TTC23L: variants seen among roughly 807,000 people sequenced by gnomAD.
TTC23L encodes tetratricopeptide repeat domain 23 like, also known as tetratricopeptide repeat protein 23-like.
Under a neutral mutation model 48.1 loss-of-function variants are expected in TTC23L, and 42 were observed. The ratio of observed to expected loss-of-function variants is 0.87; its 90% CI spans 0.68 to 1.13. The LOEUF (loss-of-function observed/expected upper bound fraction) is 1.13, where lower values mean the gene tolerates loss of function less well. Ranked by LOEUF, TTC23L falls within the 50% of genes most tolerant of loss-of-function variation. The pLI is 0.00. For synonymous variants in TTC23L, 159 were observed against 157.2 expected, an observed-to-expected ratio of 1.01 and a Z score of -0.09; for missense variants, 391 against 421.0, an observed-to-expected ratio of 0.93 and a Z score of 0.62.
At chr5:34,913,164 T>C in the TTC23L span, among the ~76,000 whole-genome samples, 2 of 152,130 alleles carry the variant, frequency 1.3e-5, no homozygotes, top group Non-Finnish European at 2.9e-5. Context: ...AAAGAAGCAA[T>C]TAAAACATTT....
chr5:34,870,946 G>C (rs1363038419), intron 8 of TTC23L, among the ~76,000 whole-genome samples: 1 of 152,168 alleles, frequency 6.6e-6, no homozygotes, highest in Non-Finnish European at 1.5e-5. Context: ...CATGATGGAA[G>C]GAACTTCTTT....
At chr5:34,913,856 A>T in the TTC23L span, 1 of 480,996 alleles carries the variant, frequency 2.1e-6, no homozygotes, top group Admixed American at 2.5e-5. Flanking sequence ...ATGACTTGAT[A>T]ATGCATGAGC....
At chr5:34,874,496 A>AGAG (rs1249961103) in intron 8 of TTC23L, among the ~76,000 whole-genome samples, 1 of 152,218 alleles carries the variant, frequency 6.6e-6, no homozygotes, top group Non-Finnish European at 1.5e-5. Context: ...ACTACTAAAA[A>AGAG]GAGTTTTTTA....
At chr5:34,918,542 A>G in the TTC23L span, 6 of 879,980 alleles carry the variant, frequency 6.8e-6, no homozygotes, top group South Asian at 2.1e-5. Flanking sequence ...GTTTTCACTT[A>G]TTTTATATAT....
the TTC23L span, chr5:34,922,665 C>T: frequency 1.6e-5 from 26 of 1,604,916 alleles, no homozygotes; most frequent in Non-Finnish European, 2.0e-5. Flanking sequence ...AAAGTTACAA[C>T]TATTTTTGTT....
At chr5:34,881,226 T>A (rs1277931637) in intron 9 of TTC23L, among the ~76,000 whole-genome samples, 1 of 152,238 alleles carries the variant, frequency 6.6e-6, no homozygotes, top group East Asian at 1.9e-4. Context: ...CATCTTCGGA[T>A]CTAGCTACTA....
At chr5:34,888,659 C>T in intron 9 of TTC23L, 1 of 294,546 alleles carries the variant, frequency 3.4e-6, no homozygotes, top group African/African-American at 2.3e-5. Flanking sequence ...AAGGCAAAAT[C>T]CTACCTGTGT....
intron 4 of TTC23L, among the ~76,000 whole-genome samples, chr5:34,852,687 T>G (rs895812666): frequency 9.9e-5 from 15 of 152,146 alleles, no homozygotes; most frequent in Non-Finnish European, 2.1e-4. Flanking sequence ...GAAGTAGGCA[T>G]GACCTGGACA....
the TTC23L span, among the ~76,000 whole-genome samples, chr5:34,919,233 G>A: frequency 7.4e-6 from 1 of 134,342 alleles, no homozygotes; most frequent in South Asian, 2.3e-4. Flanking sequence ...CCGTGATTGC[G>A]CCACTACATT....
At chr5:34,852,806 AAG>A (rs1448392427) in intron 4 of TTC23L, among the ~76,000 whole-genome samples, 1 of 152,128 alleles carries the variant, frequency 6.6e-6, no homozygotes, top group Non-Finnish European at 1.5e-5. Flanking sequence ...TATAAAGAAA[AAG>A]AGGTTTATGG....
At chr5:34,867,093 G>A (rs1348309950) in intron 7 of TTC23L, 24 bp downstream of exon 7, 4 of 1,599,326 alleles carry the variant, frequency 2.5e-6, no homozygotes, top group Non-Finnish European at 3.4e-6. Context: ...CCAGAGCCCA[G>A]GCTGGGTTGC....
intron 4 of TTC23L, among the ~76,000 whole-genome samples, chr5:34,858,202 A>G (rs981123319): frequency 6.6e-6 from 1 of 152,180 alleles, no homozygotes; most frequent in Non-Finnish European, 1.5e-5. Context: ...TGCAGGTAGA[A>G]GGGTGGTATC....
chr5:34,889,992 C>T (rs925244340), intron 9 of TTC23L, among the ~76,000 whole-genome samples: 16 of 152,036 alleles, frequency 1.1e-4, no homozygotes, highest in Admixed American at 9.8e-4. Context: ...GCGTATGCCA[C>T]CACGCCCAGC....
chr5:34,865,844 G>C (rs1430868461), intron 6 of TTC23L, among the ~76,000 whole-genome samples: 1 of 152,066 alleles, frequency 6.6e-6, no homozygotes, highest in Non-Finnish European at 1.5e-5. Flanking sequence ...CACCACACCT[G>C]GCTTACACAT....
At chr5:34,868,989 A>G (rs771531316) in exon 8 of TTC23L, 9 of 1,609,000 alleles carry the variant, frequency 5.6e-6, no homozygotes, top group Non-Finnish European at 6.8e-6. Context: ...AGCTTATGCC[A>G]TGTCTGGAGA....
the TTC23L span, chr5:34,923,093 T>C: frequency 6.3e-7 from 1 of 1,578,194 alleles, no homozygotes; most frequent in Non-Finnish European, 8.7e-7. Context: ...ATACATGATA[T>C]ATCTTGGAAT....
chr5:34,862,206 C>T (rs532994182), intron 4 of TTC23L, among the ~76,000 whole-genome samples: 3 of 152,232 alleles, frequency 2.0e-5, no homozygotes, highest in African/African-American at 7.2e-5. Context: ...TGGGGTCTGG[C>T]CTTGCCTTTG....
intron 3 of TTC23L, among the ~76,000 whole-genome samples, chr5:34,848,150 G>C (rs1759367903): frequency 1.3e-5 from 2 of 152,098 alleles, no homozygotes; most frequent in South Asian, 4.1e-4. Flanking sequence ...TAGAACCAGG[G>C]CTGAAACTTT....
chr5:34,919,992 A>G, the TTC23L span: 23 of 534,644 alleles, frequency 4.3e-5, no homozygotes, highest in South Asian at 4.7e-4. Context: ...AAAACTATTC[A>G]GACACATTTT....
Sources: gnomAD v4.1 joint callset for allele counts (sites outside exome capture counted in the v4.1 genomes callset) on GRCh38, gnomAD v4.1.1 for gene constraint, MANE v1.5 for transcripts, NCBI Gene and HGNC (gene_info 2026-07-23, HGNC 2026-07-21) for gene names.